Variants in NPM1 observed in about 807,000 individuals in gnomAD.
NPM1 encodes the protein nucleophosmin 1, also known as nucleophosmin.
In NPM1, 1 loss-of-function variant was observed where a neutral mutation model predicts 44.1. The ratio of observed to expected loss-of-function variants is 0.02; its 90% CI spans 0.01 to 0.11. NPM1 has a LOEUF of 0.11. Ranked by LOEUF, NPM1 falls within the 10% of genes least tolerant of loss-of-function variation. The pLI is 1.00. For synonymous variants in NPM1, 126 were observed against 111.8 expected (o/e 1.13, Z -0.80); for missense variants, 197 against 347.8 (o/e 0.57, Z 3.45).
chr5:171,404,867 ACT>A (rs1005887333), intron 8 of NPM1, among the ~76,000 whole-genome samples: 7 of 151,656 alleles, frequency 4.6e-5, no homozygotes, highest in East Asian at 1.9e-4. Flanking sequence ...AGTGAACGAG[ACT>A]CTGTCTGCCC....
chr5:171,403,629 C>G (rs1243075411), intron 8 of NPM1, among the ~76,000 whole-genome samples: 8 of 102,410 alleles, frequency 7.8e-5, no homozygotes, highest in South Asian at 3.6e-4. Flanking sequence ...GCTGGCCGGG[C>G]AGGGGGGCTG....
upstream of NPM1, chr5:171,387,745 CG>C (rs1186533098): frequency 1.7e-6 from 1 of 588,320 alleles, no homozygotes; most frequent in Non-Finnish European, 3.0e-6. Flanking sequence ...AGGACGGCTA[CG>C]GTACGGGGGT....
In NPM1 at chr5:171,387,866, C is replaced by T. The variant is rs1433254539; in HGVS notation, c.-83C>T. 1.5e-6 allele frequency: 2 copies of T among 1,293,178 alleles called. No individual in the cohort carries two copies. The highest frequency in any genetic ancestry group is 2.3e-5 in the East Asian group (1 of 43,176). 80.1% of individuals were successfully genotyped at this position (1,293,178 alleles called of 1,614,324 possible). A position where few individuals can be genotyped will look rare whatever the true frequency, so the allele number is the denominator to read the frequency against. ...CCTGCGTCCTTTCCCTGGTGTGATTCCGTCCTGCGCGGTTGTTCTCTGGAG... is the reference window on the plus strand; with the variant it reads ...CCTGCGTCCTTTCCCTGGTGTGATTTCGTCCTGCGCGGTTGTTCTCTGGAG... On this transcript the variant is annotated 5_prime_UTR_variant, in exon 1 of 11. Coordinates refer to ENST00000296930, the MANE Select transcript of NPM1 (RefSeq NM_002520.7).
chr5:171,403,868 C>T (rs1581255331), intron 8 of NPM1, among the ~76,000 whole-genome samples: 1 of 50,836 alleles, frequency 2.0e-5, no homozygotes, highest in Non-Finnish European at 4.2e-5. Context: ...GAGGGCTGAC[C>T]CCCCCACCTC....
rs752582321 is a variant in NPM1 at position 171,391,286 on chromosome 5, ATTT to A, written c.139-11_139-9del. The A allele has an allele frequency of 2.1e-6, 3 of 1,399,944 alleles. No homozygotes were observed. In the African/African-American group the frequency reaches 4.3e-5, roughly 20 times the overall value. The allele number at this position is 1,399,944 out of a possible 1,614,324, so 86.7% of individuals were successfully genotyped here. A position where few individuals can be genotyped will look rare whatever the true frequency, so the allele number is the denominator to read the frequency against. Reference sequence around the variant, plus strand: ...GGTGGAACTCAAAAGTTGAAGTAGTATTTTTTTTTTGTTCACAGGTCAGTTTAG... The same window carrying A: ...GGTGGAACTCAAAAGTTGAAGTAGTATTTTTTTGTTCACAGGTCAGTTTAG... On this transcript the variant is annotated splice_polypyrimidine_tract_variant and intron_variant, in intron 2 of 10. Coordinates refer to ENST00000296930, the MANE Select transcript of NPM1 (RefSeq NM_002520.7).
At chr5:171,395,849 A>G (rs887751127) in intron 6 of NPM1, among the ~76,000 whole-genome samples, 1 of 152,298 alleles carries the variant, frequency 6.6e-6, no homozygotes, top group Non-Finnish European at 1.5e-5. Context: ...AAGAAAGGCT[A>G]TGTAATGTGC....
chr5:171,410,467 T>C, intron 10 of NPM1, 60 bp from the exon 11 acceptor site: 2 of 1,022,152 alleles, frequency 2.0e-6, no homozygotes, highest in Non-Finnish European at 2.9e-6. Context: ...GACATTTAAT[T>C]TATTGATGTC....
At chr5:171,394,092 A>C (rs1581242922) in intron 6 of NPM1, among the ~76,000 whole-genome samples, 1 of 122,516 alleles carries the variant, frequency 8.2e-6, no homozygotes, top group Admixed American at 1.1e-4. Context: ...CTCAGGCTGG[A>C]GTGCGGTGGC....
chr5:171,403,980 G>A (rs1440591545), intron 8 of NPM1, among the ~76,000 whole-genome samples: 5 of 74,182 alleles, frequency 6.7e-5, no homozygotes, highest in Admixed American at 1.2e-4. Flanking sequence ...CCCATCTCCC[G>A]GACGGGGTGG....
chr5:171,409,589 G>C (rs1261711594), intron 10 of NPM1, among the ~76,000 whole-genome samples: 1 of 152,176 alleles, frequency 6.6e-6, no homozygotes, highest in African/African-American at 2.4e-5. Flanking sequence ...TCGGTATTCA[G>C]TTACCTTGTA....
chr5:171,388,390 G>A (rs1770381497), intron 1 of NPM1, among the ~76,000 whole-genome samples: 2 of 152,234 alleles, frequency 1.3e-5, no homozygotes, highest in African/African-American at 4.8e-5. Flanking sequence ...CGGGTTGGTG[G>A]TCCTGGAGGC....
Position 171,391,149 on chromosome 5 carries a change from T to C in NPM1, c.139-156T>C, listed in dbSNP as rs1022315305. ...TACCATCTAGGTTTGTATAAGCACATTCTTATGATTGTACAAAGATGAAAT... is the reference window on the plus strand; with the variant it reads ...TACCATCTAGGTTTGTATAAGCACACTCTTATGATTGTACAAAGATGAAAT... On this transcript the variant is annotated intron_variant, in intron 2 of 10. Transcript: ENST00000296930. 10 of 831,016 alleles carry C rather than the reference T, an allele frequency of 1.2e-5. No homozygotes were observed. The South Asian group carries it at 1.6e-4, about 13-fold the overall frequency. 51.5% of individuals were successfully genotyped at this position (831,016 alleles called of 1,614,324 possible).
At chr5:171,395,242 GC>G (rs1238312804) in intron 6 of NPM1, among the ~76,000 whole-genome samples, 1 of 152,062 alleles carries the variant, frequency 6.6e-6, no homozygotes, top group Non-Finnish European at 1.5e-5. Context: ...TTTAAGTTGG[GC>G]ATTGATAGGA....
At chr5:171,392,306 C>T (rs1303624452) in intron 4 of NPM1, among the ~76,000 whole-genome samples, 1 of 152,170 alleles carries the variant, frequency 6.6e-6, no homozygotes, top group Admixed American at 6.5e-5. Context: ...GTGATCATAG[C>T]TTGCTATATC....
intron 1 of NPM1, among the ~76,000 whole-genome samples, chr5:171,389,364 G>A (rs1226838877): frequency 6.6e-6 from 1 of 152,182 alleles, no homozygotes; most frequent in Non-Finnish European, 1.5e-5. Context: ...GTGTTTTGAA[G>A]AATTTTGCCC....
At chr5:171,397,157 A>G (rs1770947239) in intron 6 of NPM1, among the ~76,000 whole-genome samples, 1 of 152,146 alleles carries the variant, frequency 6.6e-6, no homozygotes, top group South Asian at 2.1e-4. Flanking sequence ...CATATTTTGC[A>G]CGAATGGACT....
intron 7 of NPM1, 43 bp from the exon 8 acceptor site, chr5:171,400,796 G>C (rs1191823016): frequency 1.5e-6 from 2 of 1,308,412 alleles, no homozygotes; most frequent in East Asian, 2.3e-5. Flanking sequence ...TTGCACTGTT[G>C]TTGGGGTCAG....
chr5:171,391,738 A>G lies in NPM1; in HGVS notation c.291A>G (p.Pro97=). ...TTGGGGGCTTTGAAATAACACCACC[A>G]GTGGTCTTAAGGTTGAAGTGTGGTT... is the stretch of plus-strand genomic sequence containing the variant. The part of the protein sequence containing the change: ...VSLGGFEITP[P]VVLRLKCGSG... The change falls in exon 4 of 11, where the codon CCA becomes CCG. Residue 97 remains proline, a synonymous_variant. Transcript: ENST00000296930. 1 of 1,610,472 alleles carries G rather than the reference A, an allele frequency of 6.2e-7. No homozygotes were observed. Among genetic ancestry groups the G allele is most frequent in the Non-Finnish European group, 8.5e-7 (1 of 1,178,150 alleles).
intron 6 of NPM1, among the ~76,000 whole-genome samples, chr5:171,396,273 A>G (rs1004596554): frequency 1.3e-5 from 2 of 152,046 alleles, no homozygotes; most frequent in African/African-American, 4.8e-5. Context: ...GAGCCACCAC[A>G]CCCTGCCAGT....
Sources: allele counts gnomAD v4.1 joint callset (sites outside exome capture counted in the v4.1 genomes callset), GRCh38; gene constraint gnomAD v4.1.1; transcripts MANE v1.5; gene names NCBI Gene and HGNC (gene_info 2026-07-23, HGNC 2026-07-21).